Variants in CCNH observed in about 807,000 individuals in gnomAD.
CCNH encodes the protein cyclin-H.
In CCNH, 31 loss-of-function variants were observed where a neutral mutation model predicts 41.9. The observed-to-expected ratio is 0.74, with a 90% CI of 0.56 to 1.00. The LOEUF is 1.00. Ranked by LOEUF, CCNH falls within the 50% of genes least tolerant of loss-of-function variation. The pLI, the probability that CCNH is intolerant of heterozygous loss-of-function variation, is 0.00. For missense variants in CCNH, 362 were observed against 388.4 expected, an observed-to-expected ratio of 0.93 and a Z score of 0.57; for synonymous variants, 138 against 136.1, an observed-to-expected ratio of 1.01 and a Z score of -0.10.
chr5:87,312,443 T>A, the CCNH span, among the ~76,000 whole-genome samples: 158 of 152,356 alleles, frequency 1.0e-3, no homozygotes, highest in Non-Finnish European at 1.9e-3. Context: ...GTGTAATTTT[T>A]AAATTAATTT....
downstream of CCNH, among the ~76,000 whole-genome samples, chr5:87,387,882 T>G (rs1163476663): frequency 6.6e-6 from 1 of 152,154 alleles, no homozygotes; most frequent in African/African-American, 2.4e-5. Flanking sequence ...TGGAAAATAT[T>G]TTTACTATAA....
chr5:87,371,798 G>GTATC (rs560276713), downstream of CCNH, among the ~76,000 whole-genome samples: 4 of 152,182 alleles, frequency 2.6e-5, no homozygotes, highest in East Asian at 5.8e-4. Flanking sequence ...CCCCAAGGTA[G>GTATC]TATCTGTTTG....
At chr5:87,337,903 T>C in intron 9 of CCNH, 1 of 1,431,004 alleles carries the variant, frequency 7.0e-7, no homozygotes, top group South Asian at 1.4e-5. Flanking sequence ...TCCTATTTTG[T>C]GGTATATGAC....
intron 7 of CCNH, among the ~76,000 whole-genome samples, chr5:87,397,184 A>T (rs1262096310): frequency 8.0e-5 from 12 of 149,156 alleles, no homozygotes; most frequent in African/African-American, 3.0e-4. Flanking sequence ...TTTTTTTGAG[A>T]CAGAGTCTTG....
At chr5:87,368,327 T>C (rs1404762333) in intron 9 of CCNH, among the ~76,000 whole-genome samples, 2 of 152,200 alleles carry the variant, frequency 1.3e-5, no homozygotes, top group Non-Finnish European at 2.9e-5. Flanking sequence ...ATACAGTTTC[T>C]GGCAAAATTC....
chr5:87,369,896 C>T (rs776428635), intron 9 of CCNH: 1 of 1,603,628 alleles, frequency 6.2e-7, no homozygotes. Context: ...CCAGAACAAG[C>T]AGAGGTAAGA....
intron 9 of CCNH, among the ~76,000 whole-genome samples, chr5:87,367,862 G>T (rs976623167): frequency 3.9e-5 from 6 of 152,000 alleles, no homozygotes; most frequent in African/African-American, 1.2e-4. Context: ...TAGAGGTAAT[G>T]TATCTTTGTC....
At position 87,404,910 on chromosome 5, in the gene CCNH, G is replaced by T; in HGVS notation, c.623C>A (p.Thr208Lys). Residue 208 changes from threonine to lysine, a missense_variant, in exon 5 of 9, where the codon ACA becomes AAA. By Grantham distance (78) the Thr-to-Lys change is moderately conservative (BLOSUM62 -1). Coordinates refer to ENST00000256897, the MANE Select transcript of CCNH (RefSeq NM_001239.4). ...GGCAGTCAGGGCAATTTGGGAAGGT[G>T]TGTATAAAAGGTAAGCATCCGTCAA... The part of the protein sequence containing the change: ...IALTDAYLLY[T>K]PSQIALTAIL... 6.2e-7 allele frequency: 1 copy of T among 1,613,438 alleles called. No homozygotes were observed. Among genetic ancestry groups the T allele is most frequent in the Non-Finnish European group, 8.5e-7 (1 of 1,179,468 alleles).
intron 9 of CCNH, among the ~76,000 whole-genome samples, chr5:87,357,751 G>GT (rs1759761767): frequency 6.6e-6 from 1 of 152,228 alleles, no homozygotes; most frequent in South Asian, 2.1e-4. Flanking sequence ...TAAACTTGCA[G>GT]TATGTGTTAT....
At chr5:87,368,864 T>C (rs957026044) in intron 9 of CCNH, among the ~76,000 whole-genome samples, 5 of 152,186 alleles carry the variant, frequency 3.3e-5, no homozygotes, top group Middle Eastern at 3.2e-3. Context: ...TTGGTTGTTC[T>C]CCAGTGCTTT....
Position 87,403,474 on chromosome 5 carries a change from C to G in CCNH, c.689+1370G>C, listed in dbSNP as rs189364136. Among the ~76,000 whole-genome samples the G allele has an allele frequency of 1.6e-4, 24 of 152,186 alleles. No homozygotes were observed. The East Asian group carries it at 4.6e-3, about 29-fold the overall frequency. On this transcript the variant is annotated intron_variant, in intron 5 of 8. Coordinates refer to ENST00000256897, the MANE Select transcript of CCNH (RefSeq NM_001239.4). Reference sequence around the variant, plus strand: ...AATTGTGGAAAAGAGGACTTTTGTTCCCTTACAGAATGAAGTCTGCAGGCC... The same window carrying G: ...AATTGTGGAAAAGAGGACTTTTGTTGCCTTACAGAATGAAGTCTGCAGGCC...
At chr5:87,404,784 T>C in intron 5 of CCNH, 60 bp downstream of exon 5, 1 of 1,289,416 alleles carries the variant, frequency 7.8e-7, no homozygotes, top group Non-Finnish European at 1.1e-6. Context: ...TCAGAAATGA[T>C]TCTATGAATA....
chr5:87,318,860 C>A (rs577261468), exon 10 of CCNH: 1 of 152,346 alleles, frequency 6.6e-6, no homozygotes, highest in African/African-American at 2.4e-5. Flanking sequence ...AGTCCAAAGT[C>A]TTATCTGAGA....
rs1166060778 is a variant in CCNH at position 87,356,314 on chromosome 5, C to G, written c.*90+36456G>C. On this transcript the variant is annotated intron_variant and NMD_transcript_variant, in intron 9 of 9. Coordinates refer to the CCNH transcript ENST00000645953. ...ACCACTGCCCTAATCACTTAGCAGA[C>G]ATCAGTATCAAGGCAAGACCCTTCA... 3.3e-5 allele frequency among the ~76,000 whole-genome samples: 5 copies of G among 152,130 alleles called. No individual in the cohort carries two copies. The East Asian group carries it at 9.7e-4, about 29-fold the overall frequency.
downstream of CCNH, chr5:87,392,948 G>A (rs1762624414): frequency 6.6e-6 from 1 of 152,048 alleles, no homozygotes; most frequent in Admixed American, 6.6e-5. Context: ...TTGTAATTCT[G>A]TCTAGAGCCT....
downstream of CCNH, chr5:87,389,657 C>T: frequency 8.3e-7 from 1 of 1,210,176 alleles, no homozygotes; most frequent in Non-Finnish European, 1.2e-6. Flanking sequence ...CATCATATTA[C>T]AAAAGATCTC....
At chr5:87,313,268 A>T in the CCNH span, among the ~76,000 whole-genome samples, 1 of 152,192 alleles carries the variant, frequency 6.6e-6, no homozygotes, top group African/African-American at 2.4e-5. Flanking sequence ...AATATCTTTG[A>T]GGTGGCTGAA....
chr5:87,364,020 A>G (rs540165174), intron 9 of CCNH, among the ~76,000 whole-genome samples: 3 of 152,336 alleles, frequency 2.0e-5, no homozygotes, highest in African/African-American at 7.2e-5. Context: ...TAAACATCAG[A>G]AGACAAATCC....
At chr5:87,383,872 T>TG in intron 9 of CCNH, 1 of 1,108,134 alleles carries the variant, frequency 9.0e-7, no homozygotes, top group South Asian at 1.4e-5. Flanking sequence ...TTTTTTTTTT[T>TG]TGATCATCCA....
Sources: allele counts gnomAD v4.1 joint callset (sites outside exome capture counted in the v4.1 genomes callset), GRCh38; gene constraint gnomAD v4.1.1; transcripts MANE v1.5; gene names NCBI Gene and HGNC (gene_info 2026-07-23, HGNC 2026-07-21).